Variants in HMGCLL1 observed in about 807,000 individuals in gnomAD.
HMGCLL1 encodes 3-hydroxy-3-methylglutaryl-CoA lyase like 1.
A neutral mutation model predicts 39.1 loss-of-function variants in HMGCLL1; 36 were observed. That is an observed-to-expected ratio of 0.92 (90% CI 0.71 to 1.22). The LOEUF (loss-of-function observed/expected upper bound fraction) is 1.22, where lower values mean the gene tolerates loss of function less well. Ranked by LOEUF, HMGCLL1 falls within the 50% of genes most tolerant of loss-of-function variation. HMGCLL1 has a pLI of 0.00. For missense variants in HMGCLL1, 451 were observed against 416.5 expected, an observed-to-expected ratio of 1.08 and a Z score of -0.72; for synonymous variants, 149 against 144.0, an observed-to-expected ratio of 1.03 and a Z score of -0.25.
intron 1 of HMGCLL1, among the ~76,000 whole-genome samples, chr6:55,551,217 T>G (rs1770312104): frequency 6.6e-6 from 1 of 151,876 alleles, no homozygotes; most frequent in South Asian, 2.1e-4. Flanking sequence ...ACCAAAAATT[T>G]CAGATTCTTG....
upstream of HMGCLL1, among the ~76,000 whole-genome samples, chr6:55,584,010 C>A (rs1378643145): frequency 1.3e-5 from 2 of 152,068 alleles, no homozygotes; most frequent in Non-Finnish European, 2.9e-5. Context: ...GTTCATGGCC[C>A]AGTTAACTAC....
chr6:55,527,222 G>A (rs1262877874), intron 3 of HMGCLL1, among the ~76,000 whole-genome samples: 1 of 152,018 alleles, frequency 6.6e-6, no homozygotes, highest in African/African-American at 2.4e-5. Flanking sequence ...GAACAGTCTT[G>A]TGGCATATTT....
the HMGCLL1 span, among the ~76,000 whole-genome samples, chr6:55,627,813 C>T: frequency 9.1e-5 from 12 of 131,882 alleles, no homozygotes; most frequent in East Asian, 2.6e-3. Context: ...GCTCTCCTTG[C>T]TCCTCAGATT....
chr6:55,478,087 G>GTTT (rs11372906), intron 7 of HMGCLL1, among the ~76,000 whole-genome samples: 1 of 143,170 alleles, frequency 7.0e-6, no homozygotes, highest in Non-Finnish European at 1.5e-5. Context: ...GTGAGGTTCT[G>GTTT]TTTTTTTTTT....
At chr6:55,602,498 T>G in the HMGCLL1 span, among the ~76,000 whole-genome samples, 2 of 152,022 alleles carry the variant, frequency 1.3e-5, no homozygotes, top group Non-Finnish European at 2.9e-5. Context: ...AGTATGTAGG[T>G]GGGACTAAAA....
At chr6:55,457,449 A>G (rs978933419) in intron 7 of HMGCLL1, among the ~76,000 whole-genome samples, 2 of 152,190 alleles carry the variant, frequency 1.3e-5, no homozygotes, top group African/African-American at 2.4e-5. Flanking sequence ...TTATTCTAAA[A>G]ACCCCTACTG....
At chr6:55,569,015 G>C (rs1370746810) in intron 1 of HMGCLL1, among the ~76,000 whole-genome samples, 1 of 152,016 alleles carries the variant, frequency 6.6e-6, no homozygotes, top group Non-Finnish European at 1.5e-5. Flanking sequence ...ACACAGAGTA[G>C]GGGGAGGGAA....
intron 7 of HMGCLL1, among the ~76,000 whole-genome samples, chr6:55,442,492 T>G (rs12192987): frequency 0.15 from 23,139 of 152,156 alleles, 1,928 homozygotes; most frequent in Non-Finnish European, 0.19. Flanking sequence ...CCAAAGGGAC[T>G]GTGGGTTTTC....
the HMGCLL1 span, among the ~76,000 whole-genome samples, chr6:55,640,468 A>G: frequency 5.9e-5 from 9 of 151,926 alleles, no homozygotes. Flanking sequence ...AAGCTATACA[A>G]CTTGTGCTGT....
At chr6:55,492,564 T>A (rs1156379563) in intron 7 of HMGCLL1, among the ~76,000 whole-genome samples, 2 of 152,352 alleles carry the variant, frequency 1.3e-5, no homozygotes, top group African/African-American at 4.8e-5. Context: ...TGTATATGTC[T>A]TTCTTATGAT....
At chr6:55,456,812 C>G (rs1008086376) in intron 7 of HMGCLL1, among the ~76,000 whole-genome samples, 4 of 152,162 alleles carry the variant, frequency 2.6e-5, no homozygotes, top group African/African-American at 9.7e-5. Flanking sequence ...CTATAGGGCT[C>G]ACTGCTATTG....
chr6:55,452,342 G>A (rs4072060), intron 7 of HMGCLL1, among the ~76,000 whole-genome samples: 67,900 of 151,934 alleles, frequency 0.45, 15,263 homozygotes, highest in African/African-American at 0.49. Context: ...GACAGAATCC[G>A]TCTTTATAAG....
chr6:55,539,980 GGAAGGAAGGA>G lies in HMGCLL1; in HGVS notation c.297+1739_297+1748del, dbSNP rs1769292862. The stretch of plus-strand genomic sequence containing the variant: ...AGGAAGGAAGGAAGGAAGGAAGGAA[GGAAGGAAGGA>G]AGGAAGGGAGGGAGGGAGGGAGGGA... On this transcript the variant is annotated intron_variant, in intron 3 of 8. Coordinates refer to ENST00000274901, the MANE Select transcript of HMGCLL1 (RefSeq NM_001042406.2). 7.3e-3 allele frequency among the ~76,000 whole-genome samples: 89 copies of G among 12,112 alleles called. 1 individual carries two copies. Among genetic ancestry groups the G allele is most frequent in the Non-Finnish European group, 0.018 (72 of 4,054 alleles). 7.9% of individuals were successfully genotyped at this position (12,112 alleles called of 152,430 possible). A position where few individuals can be genotyped will look rare whatever the true frequency, so the allele number is the denominator to read the frequency against.
intron 6 of HMGCLL1, among the ~76,000 whole-genome samples, chr6:55,496,298 A>G (rs974401838): frequency 2.0e-5 from 3 of 151,666 alleles, no homozygotes; most frequent in African/African-American, 7.3e-5. Flanking sequence ...ATAAAATAAT[A>G]CAAATGTATT....
the HMGCLL1 span, among the ~76,000 whole-genome samples, chr6:55,591,775 A>G: frequency 1.3e-5 from 2 of 151,640 alleles, no homozygotes. Context: ...TAAAGAATTC[A>G]TTAAAATGAT....
intron 7 of HMGCLL1, among the ~76,000 whole-genome samples, chr6:55,476,241 C>T (rs1765280008): frequency 6.6e-6 from 1 of 151,552 alleles, no homozygotes; most frequent in African/African-American, 2.4e-5. Flanking sequence ...TATAAAACTT[C>T]TCTTCATAGT....
At chr6:55,661,635 T>A in the HMGCLL1 span, among the ~76,000 whole-genome samples, 2 of 152,052 alleles carry the variant, frequency 1.3e-5, no homozygotes, top group African/African-American at 4.8e-5. Context: ...TAGTTTAAAG[T>A]CATGTAGTGT....
At chr6:55,654,208 T>C in the HMGCLL1 span, among the ~76,000 whole-genome samples, 1 of 151,964 alleles carries the variant, frequency 6.6e-6, no homozygotes, top group South Asian at 2.1e-4. Context: ...CTAAACAATA[T>C]ATAATCCTAT....
At chr6:55,544,399 T>G (rs1769836946) in intron 1 of HMGCLL1, among the ~76,000 whole-genome samples, 1 of 152,152 alleles carries the variant, frequency 6.6e-6, no homozygotes, top group Non-Finnish European at 1.5e-5. Flanking sequence ...TCTTGGTACC[T>G]CTGAGCCGAG....
Sources: allele counts gnomAD v4.1 joint callset (sites outside exome capture counted in the v4.1 genomes callset), GRCh38; gene constraint gnomAD v4.1.1; transcripts MANE v1.5; gene names NCBI Gene and HGNC (gene_info 2026-07-23, HGNC 2026-07-21).